Variants in COPG2 observed in about 807,000 individuals in gnomAD.
COPG2 encodes the protein coatomer subunit gamma-2.
Under a neutral mutation model 46.3 loss-of-function variants are expected in COPG2, and 37 were observed. That is an observed-to-expected ratio of 0.80 (90% confidence interval 0.61 to 1.05). The LOEUF is 1.05. COPG2 is among the 50% of genes least tolerant of loss of function. The pLI is 0.00. For synonymous variants in COPG2, 159 were observed against 129.7 expected, an observed-to-expected ratio of 1.23 and a Z score of -1.53; for missense variants, 427 against 387.8, an observed-to-expected ratio of 1.10 and a Z score of -0.85.
chr7:130,525,677 A>C (rs1469103673), intron 20 of COPG2, among the ~76,000 whole-genome samples: 3 of 152,230 alleles, frequency 2.0e-5, no homozygotes, highest in African/African-American at 7.2e-5. Flanking sequence ...GAGATGAAAT[A>C]AAGTAGGCAA....
chr7:130,516,957 G>A (rs1008003770), intron 20 of COPG2, among the ~76,000 whole-genome samples: 3 of 152,160 alleles, frequency 2.0e-5, no homozygotes, highest in Non-Finnish European at 4.4e-5. Flanking sequence ...ACAGGGCAGA[G>A]GGCAGTGGGC....
rs1190069364 is a variant in COPG2 at position 130,557,126 on chromosome 7, A to G, written c.1129-1994T>C. ...TATATATGAAAACCCTAGAGAATGA[A>G]TAATAAAACTAACTCGATAATTCAC... On this transcript the variant is annotated intron_variant, in intron 12 of 23. Coordinates refer to ENST00000425248, the MANE Select transcript of COPG2 (RefSeq NM_012133.6). Among the ~76,000 whole-genome samples the G allele has an allele frequency of 7.2e-5, 11 of 152,338 alleles. No homozygotes were observed. In the South Asian group the frequency reaches 1.7e-3, roughly 23 times the overall value.
At chr7:130,643,242 C>A (rs1795526045) in intron 5 of COPG2, among the ~76,000 whole-genome samples, 1 of 151,772 alleles carries the variant, frequency 6.6e-6, no homozygotes, top group Non-Finnish European at 1.5e-5. Flanking sequence ...TTGCACTGAG[C>A]CAAGATCGCG....
chr7:130,604,852 T>C, intron 9 of COPG2: 2 of 423,520 alleles, frequency 4.7e-6, no homozygotes, highest in Non-Finnish European at 9.2e-6. Flanking sequence ...CCAGTCCTGG[T>C]GGCAGAGATT....
At chr7:130,639,080 T>C (rs1554456833) in intron 5 of COPG2, among the ~76,000 whole-genome samples, 1 of 152,054 alleles carries the variant, frequency 6.6e-6, no homozygotes. Context: ...CCAGTCCCAG[T>C]GAGAAGAGCC....
intron 12 of COPG2, among the ~76,000 whole-genome samples, chr7:130,560,178 G>A (rs911907541): frequency 2.0e-5 from 3 of 151,994 alleles, no homozygotes; most frequent in Non-Finnish European, 4.4e-5. Flanking sequence ...AGGATACCAA[G>A]TTAATATGGA....
intron 20 of COPG2, among the ~76,000 whole-genome samples, chr7:130,524,429 GC>G (rs1424219635): frequency 6.6e-6 from 1 of 152,164 alleles, no homozygotes; most frequent in Non-Finnish European, 1.5e-5. Context: ...CGCCCCAGGG[GC>G]TGACTGCTGG....
At chr7:130,533,401 C>T (rs1214900687) in intron 20 of COPG2, among the ~76,000 whole-genome samples, 1 of 151,672 alleles carries the variant, frequency 6.6e-6, no homozygotes, top group Non-Finnish European at 1.5e-5. Context: ...TGAAGAAGCC[C>T]ATGGAGGAGA....
intron 9 of COPG2, among the ~76,000 whole-genome samples, chr7:130,591,897 G>A (rs1173324360): frequency 1.3e-5 from 2 of 152,276 alleles, no homozygotes; most frequent in Admixed American, 1.3e-4. Flanking sequence ...CGTCTGGGAG[G>A]TGTACTCAAC....
intron 21 of COPG2, 174 bp downstream of exon 21, chr7:130,508,388 C>T (rs889681283): frequency 3.8e-5 from 21 of 551,570 alleles, no homozygotes; most frequent in Non-Finnish European, 6.1e-5. Flanking sequence ...TGGCCTGGTG[C>T]TGTCCAGTTA....
At chr7:130,524,851 C>G (rs1344376002) in intron 20 of COPG2, among the ~76,000 whole-genome samples, 1 of 152,056 alleles carries the variant, frequency 6.6e-6, no homozygotes, top group African/African-American at 2.4e-5. Flanking sequence ...TTGAGTTCGA[C>G]AGAGGAAAGG....
intron 5 of COPG2, among the ~76,000 whole-genome samples, chr7:130,641,751 T>C (rs1272185024): frequency 6.6e-6 from 1 of 152,204 alleles, no homozygotes; most frequent in African/African-American, 2.4e-5. Context: ...ACCATTCAAA[T>C]AGAAAAGTTG....
At chr7:130,563,183 C>T in intron 11 of COPG2, 86 bp downstream of exon 11, 1 of 392,996 alleles carries the variant, frequency 2.5e-6, no homozygotes, top group Non-Finnish European at 4.5e-6. Flanking sequence ...CATATACTAA[C>T]CTTGGAGAGA....
intron 9 of COPG2, among the ~76,000 whole-genome samples, chr7:130,576,618 C>T (rs539336091): frequency 4.7e-4 from 71 of 152,176 alleles, no homozygotes; most frequent in Admixed American, 7.9e-4. Flanking sequence ...AGTTCAAAAG[C>T]TCAAAAAGTT....
At chr7:130,658,536 T>TA (rs1209983272) in intron 4 of COPG2, among the ~76,000 whole-genome samples, 2 of 151,912 alleles carry the variant, frequency 1.3e-5, no homozygotes, top group South Asian at 4.1e-4. Flanking sequence ...TTACCGCATG[T>TA]AAAACTACAC....
chr7:130,548,669 G>A (rs1793483796), intron 18 of COPG2, 127 bp from the exon 19 acceptor site: 4 of 382,134 alleles, frequency 1.0e-5, no homozygotes, highest in Admixed American at 4.5e-5. Flanking sequence ...TTGGGAGGCC[G>A]AGGCAGGCGG....
chr7:130,513,341 A>ATATATATATATATATATT (rs1215646008), intron 20 of COPG2, among the ~76,000 whole-genome samples: 1 of 51,548 alleles, frequency 1.9e-5, no homozygotes, highest in Non-Finnish European at 4.5e-5. Context: ...ATATATATAT[A>ATATATATATATATATATT]TGTGTGTGTG....
At chr7:130,610,083 T>TC (rs1554451803) in intron 9 of COPG2, 1 of 519,614 alleles carries the variant, frequency 1.9e-6, no homozygotes, top group Admixed American at 1.9e-5. Flanking sequence ...ACTATTTTTT[T>TC]CCCTCTTGTT....
rs989270693 is a variant in COPG2 at position 130,540,014 on chromosome 7, T to C, written c.2149+7660A>G. Among the ~76,000 whole-genome samples the C allele has an allele frequency of 1.1e-3, 152 of 135,088 alleles. 2 individuals carry two copies. Among genetic ancestry groups the C allele is most frequent in the Non-Finnish European group, 2.0e-3 (129 of 64,152 alleles). The allele number at this position is 135,088 out of a possible 152,430, so 88.6% of individuals were successfully genotyped here. ...GAATCTTGGGCCAGGGTCTTTGCTATGGATGCAGTGGGGAAGGGTGGGTTG... is the reference window on the plus strand; with the variant it reads ...GAATCTTGGGCCAGGGTCTTTGCTACGGATGCAGTGGGGAAGGGTGGGTTG... On this transcript the variant is annotated intron_variant, in intron 20 of 23. Transcript: ENST00000425248.
Sources: allele counts gnomAD v4.1 joint callset (sites outside exome capture counted in the v4.1 genomes callset), GRCh38; gene constraint gnomAD v4.1.1; transcripts MANE v1.5; gene names NCBI Gene and HGNC (gene_info 2026-07-23, HGNC 2026-07-21).